The following RGS3 variants were observed in gnomAD, a reference collection of about 807,000 sequenced individuals.
The protein encoded by RGS3 is regulator of G protein signaling 3.
In RGS3, 80 loss-of-function variants were observed where a neutral mutation model predicts 132.6. That is an observed-to-expected ratio of 0.60 (90% CI 0.50 to 0.73). The LOEUF is 0.73. Ranked by LOEUF, RGS3 falls within the 30% of genes least tolerant of loss-of-function variation. The pLI, the probability that RGS3 is intolerant of heterozygous loss-of-function variation, is 0.00. For synonymous variants in RGS3, 598 were observed against 620.6 expected (o/e 0.96, Z 0.54); for missense variants, 1,382 against 1,530.8 (o/e 0.90, Z 1.62).
intron 15 of RGS3, among the ~76,000 whole-genome samples, chr9:113,516,380 G>A (rs1265048784): frequency 3.4e-5 from 5 of 148,302 alleles, no homozygotes; most frequent in Non-Finnish European, 7.4e-5. Context: ...TTTTTGAGAT[G>A]GAGTTTCACT....
chr9:113,477,012 C>T (rs1044337411), intron 3 of RGS3, among the ~76,000 whole-genome samples: 1 of 152,146 alleles, frequency 6.6e-6, no homozygotes, highest in African/African-American at 2.4e-5. Flanking sequence ...TGACTGCGGG[C>T]TTCGTTTGCC....
At position 113,462,268 on chromosome 9, in the gene RGS3, C is replaced by T. The variant is rs550761440; in HGVS notation, c.415+67C>T. On this transcript the variant is annotated intron_variant, in intron 3 of 24. Coordinates refer to ENST00000350696, the Ensembl canonical transcript of RGS3. ...CTGCTCTTGTTAAAGGCAGTGTTCA[C>T]CATGTGTGTGTGTAACCGGGGTTGG... 3.3e-6 allele frequency: 3 copies of T among 922,998 alleles called. No homozygotes were observed. The East Asian group carries it at 2.0e-4, about 60-fold the overall frequency. The allele number at this position is 922,998 out of a possible 1,614,324, so 57.2% of individuals were successfully genotyped here. A position where few individuals can be genotyped will look rare whatever the true frequency, so the allele number is the denominator to read the frequency against.
At chr9:113,488,312 G>A (rs889362411) in intron 7 of RGS3, among the ~76,000 whole-genome samples, 1 of 152,200 alleles carries the variant, frequency 6.6e-6, no homozygotes, top group Non-Finnish European at 1.5e-5. Flanking sequence ...GGGGAGCCAG[G>A]TCAGAGCTGT....
chr9:113,508,692 G>A (rs1831260774), intron 14 of RGS3, 112 bp downstream of exon 12: 1 of 1,040,710 alleles, frequency 9.6e-7, no homozygotes, highest in African/African-American at 1.6e-5. Context: ...ATGGAGTCAG[G>A]TCACTTAGCC....
At chr9:113,461,711 C>T in exon 2 of RGS3, 1 of 1,613,356 alleles carries the variant, frequency 6.2e-7, no homozygotes, top group Non-Finnish European at 8.5e-7. Context: ...TCCTAGGTCA[C>T]ATTCAGACAG....
chr9:113,490,665 A>C (rs1180461641), intron 7 of RGS3, among the ~76,000 whole-genome samples: 1 of 145,236 alleles, frequency 6.9e-6, no homozygotes, highest in Non-Finnish European at 1.5e-5. Flanking sequence ...TATTATTATA[A>C]ATTATATAAT....
chr9:113,485,258 T>C (rs1486857216), intron 6 of RGS3, among the ~76,000 whole-genome samples: 1 of 152,128 alleles, frequency 6.6e-6, no homozygotes, highest in Non-Finnish European at 1.5e-5. Flanking sequence ...TGGCTAATTT[T>C]TTTTGTATTT....
chr9:113,571,950 T>A (rs1419489883), intron 19 of RGS3, among the ~76,000 whole-genome samples: 1 of 152,220 alleles, frequency 6.6e-6, no homozygotes, highest in African/African-American at 2.4e-5. Context: ...CCATCCTGTC[T>A]CACTATAGGG....
At chr9:113,554,076 A>G (rs1833470616) in intron 19 of RGS3, among the ~76,000 whole-genome samples, 2 of 152,196 alleles carry the variant, frequency 1.3e-5, no homozygotes, top group African/African-American at 4.8e-5. Context: ...TACACATGTC[A>G]TCTCCCCAAC....
At chr9:113,505,452 C>T (rs142764354) in exon 11 of RGS3, 60 of 1,614,086 alleles carry the variant, frequency 3.7e-5, no homozygotes, top group East Asian at 6.7e-5. Context: ...ATCACCATCC[C>T]GAGGGGAAAG....
In RGS3 at chr9:113,507,936, G is replaced by T. The variant is rs55916010; in HGVS notation, c.1437+298G>T. Reference sequence around the variant, plus strand: ...GTGCTTTTCCCCAGTGGAATGGGCTGCCTTGGTAGGTGGTGAGCCCCCATC... The same window carrying T: ...GTGCTTTTCCCCAGTGGAATGGGCTTCCTTGGTAGGTGGTGAGCCCCCATC... On this transcript the variant is annotated intron_variant, in intron 13 of 24. Transcript: ENST00000350696. The surrounding 1 kb of genome is among the most constrained non-coding windows in gnomAD (Gnocchi z 5.0). 0.024 allele frequency among the ~76,000 whole-genome samples: 3,726 copies of T among 152,308 alleles called. 66 individuals carry two copies. Among genetic ancestry groups the T allele is most frequent in the Admixed American group, 0.037 (571 of 15,298 alleles).
exon 25 of RGS3, chr9:113,596,836 C>G: frequency 1.2e-6 from 2 of 1,613,774 alleles, no homozygotes; most frequent in Non-Finnish European, 1.7e-6. Flanking sequence ...GGGGCTGCTT[C>G]GACCTGGCAC....
At chr9:113,524,657 C>G (rs906749968) in intron 17 of RGS3, among the ~76,000 whole-genome samples, 10 of 152,320 alleles carry the variant, frequency 6.6e-5, no homozygotes, top group African/African-American at 2.4e-4. Context: ...TTCAGCTGGC[C>G]CTTTCCCTTT....
chr9:113,531,289 C>T (rs1832453602), intron 18 of RGS3, among the ~76,000 whole-genome samples: 1 of 152,202 alleles, frequency 6.6e-6, no homozygotes, highest in Non-Finnish European at 1.5e-5. Context: ...AGGGACTATT[C>T]TCTAACCTAG....
intron 3 of RGS3, among the ~76,000 whole-genome samples, chr9:113,471,967 A>C (rs1456813780): frequency 6.6e-6 from 1 of 152,236 alleles, no homozygotes; most frequent in Non-Finnish European, 1.5e-5. Context: ...AAATGGGTAA[A>C]GGATTTGAAT....
In RGS3 at chr9:113,496,507, C is replaced by T. The variant is rs1225783589; in HGVS notation, c.750+661C>T. 1.6e-4 allele frequency among the ~76,000 whole-genome samples: 24 copies of T among 152,030 alleles called. 2 individuals are homozygous for T. ...TGTCCTGGGGTGGGTGGCTGAGGAC[C>T]CTTTATCCTGCATGTGAGTCCTAAA... On this transcript the variant is annotated intron_variant, in intron 8 of 24. Transcript: ENST00000350696.
chr9:113,583,348 G>A (rs1026573375), intron 19 of RGS3, 102 bp from the exon 18 acceptor site: 25 of 1,477,738 alleles, frequency 1.7e-5, no homozygotes, highest in East Asian at 7.4e-5. Context: ...CTGGGGGCCC[G>A]GGGTTCAGGC....
intron 19 of RGS3, among the ~76,000 whole-genome samples, chr9:113,555,866 G>A (rs574020642): frequency 1.1e-4 from 17 of 152,302 alleles, no homozygotes; most frequent in African/African-American, 3.8e-4. Flanking sequence ...AAATGTTTCC[G>A]TTTTCATGGC....
At chr9:113,458,400 A>G (rs1044316899), upstream of RGS3, among the ~76,000 whole-genome samples, 3 of 152,222 alleles carry the variant, frequency 2.0e-5, no homozygotes, top group Non-Finnish European at 2.9e-5. Flanking sequence ...CTGCACTAAT[A>G]TGTTCACTAA....
Sources: gnomAD v4.1 joint callset for allele counts (sites outside exome capture counted in the v4.1 genomes callset) on GRCh38, gnomAD v4.1.1 for gene constraint, Gnocchi (gnomAD v3.1) non-coding constraint, MANE v1.5 for transcripts, NCBI Gene and HGNC (gene_info 2026-07-23, HGNC 2026-07-21) for gene names.